The following ABLIM3 variants were observed in gnomAD, a reference collection of about 807,000 sequenced individuals.
The protein encoded by ABLIM3 is actin binding LIM protein family member 3.
Under a neutral mutation model 109.5 loss-of-function variants are expected in ABLIM3, and 61 were observed. That is an observed-to-expected ratio of 0.56 (90% CI 0.45 to 0.69). The LOEUF is 0.69. Ranked by LOEUF, ABLIM3 falls within the 30% of genes least tolerant of loss-of-function variation. ABLIM3 has a pLI of 0.00. For synonymous variants in ABLIM3, 300 were observed against 324.8 expected, an observed-to-expected ratio of 0.92 and a Z score of 0.82; for missense variants, 796 against 889.5, an observed-to-expected ratio of 0.89 and a Z score of 1.34.
chr5:149,166,217 C>T (rs1189567771), intron 2 of ABLIM3, among the ~76,000 whole-genome samples: 4 of 152,214 alleles, frequency 2.6e-5, no homozygotes, highest in South Asian at 4.1e-4. Flanking sequence ...TAGTCACAAT[C>T]TCCCACTCCC....
At chr5:149,224,624 C>T (rs1760993113) in intron 8 of ABLIM3, among the ~76,000 whole-genome samples, 1 of 152,222 alleles carries the variant, frequency 6.6e-6, no homozygotes, top group Non-Finnish European at 1.5e-5. Flanking sequence ...CTCAAGTCTC[C>T]CTTTTACTGC....
At chr5:149,222,824 C>G (rs1287962931) in intron 8 of ABLIM3, among the ~76,000 whole-genome samples, 2 of 151,984 alleles carry the variant, frequency 1.3e-5, no homozygotes, top group Non-Finnish European at 2.9e-5. Context: ...AACGCCAGCC[C>G]TCAGTCATCA....
intron 3 of ABLIM3, among the ~76,000 whole-genome samples, chr5:149,186,346 G>A (rs1158123054): frequency 1.3e-5 from 2 of 152,040 alleles, no homozygotes; most frequent in Admixed American, 6.5e-5. Context: ...GCCGGGAGGT[G>A]GAGGTTGCAG....
At chr5:149,255,900 A>G (rs981984398) in intron 23 of ABLIM3, among the ~76,000 whole-genome samples, 3 of 152,234 alleles carry the variant, frequency 2.0e-5, no homozygotes, top group Non-Finnish European at 4.4e-5. Context: ...CATGACCTGT[A>G]TCTGCTCATT....
At chr5:149,213,709 C>T (rs1052756479) in intron 7 of ABLIM3, among the ~76,000 whole-genome samples, 7 of 152,128 alleles carry the variant, frequency 4.6e-5, no homozygotes, top group African/African-American at 1.7e-4. Context: ...CGAGAGTTAC[C>T]GTTGTTTAGC....
intron 7 of ABLIM3, among the ~76,000 whole-genome samples, chr5:149,214,177 C>A (rs2963488): frequency 2.0e-5 from 3 of 152,098 alleles, no homozygotes; most frequent in Non-Finnish European, 4.4e-5. Context: ...CTAATGAACA[C>A]GTTAGTCAAG....
chr5:149,141,992 G>A lies in ABLIM3; in HGVS notation c.-87-17G>A. ...GAGGATACAGAGCTGGCACTGGACT[G>A]CCTTTTCACCCCCCAGGTGATGAGT... On this transcript the variant is annotated splice_polypyrimidine_tract_variant and intron_variant, in intron 1 of 23. Coordinates refer to ENST00000309868, the MANE Select transcript of ABLIM3 (RefSeq NM_014945.5). 6.5e-7 allele frequency: 1 copy of A among 1,539,814 alleles called. No individual in the cohort carries two copies. Among genetic ancestry groups the A allele is most frequent in the South Asian group, 1.1e-5 (1 of 89,454 alleles).
intron 3 of ABLIM3, among the ~76,000 whole-genome samples, chr5:149,194,754 T>G (rs1017265380): frequency 6.6e-6 from 1 of 152,110 alleles, no homozygotes; most frequent in Non-Finnish European, 1.5e-5. Context: ...TATGGATACA[T>G]CACAGGTGGT....
chr5:149,200,409 C>G lies in ABLIM3; in HGVS notation c.429C>G (p.Ile143Met), dbSNP rs1225403103. The G allele has an allele frequency of 7.4e-6, 12 of 1,614,194 alleles. No individual in the cohort carries two copies. The highest frequency in any genetic ancestry group is 1.7e-5 in the Admixed American group (1 of 60,022). Residue 143 changes from isoleucine (I) to methionine (M), a missense_variant, in exon 5 of 24, where the codon ATC (isoleucine) becomes ATG (methionine). Physicochemically the swap from Ile to Met is conservative, Grantham distance 10. Transcript: ENST00000309868. ...AGTCCATGGCCAGCAGTAAGCCCATCAAGATTCGTGGACCAAGCCGTGAGT... is the reference window on the plus strand; with the variant it reads ...AGTCCATGGCCAGCAGTAAGCCCATGAAGATTCGTGGACCAAGCCGTGAGT... ...CSQSMASSKP[I>M]KIRGPSHCAG...
At position 149,249,836 on chromosome 5, in the gene ABLIM3, C is replaced by T. The variant is rs758715412; in HGVS notation, c.1721C>T (p.Ala574Val). ...LNGSPRSHYL[A>V]DSDPLISKSA... ...GCAGCCCCTCGGTCGCACTACCTGG[C>T]TGACAGTGGTAAGTTCTACCTGCCC... Residue 574 changes from alanine to valine, a missense_variant, in exon 19 of 24, where the codon GCT (alanine) becomes GTT (valine). Ala to Val is a moderately conservative substitution (Grantham distance 64). Transcript: ENST00000309868. 6.2e-7 allele frequency: 1 copy of T among 1,614,218 alleles called. No homozygotes were observed. Among genetic ancestry groups the T allele is most frequent in the South Asian group, 1.1e-5 (1 of 91,088 alleles).
intron 8 of ABLIM3, among the ~76,000 whole-genome samples, chr5:149,225,051 C>T (rs916568381): frequency 3.9e-5 from 6 of 152,136 alleles, no homozygotes; most frequent in African/African-American, 7.2e-5. Flanking sequence ...TCTCTCTGGC[C>T]GAGTTTGGCA....
At chr5:149,230,409 G>A (rs1039044393) in intron 8 of ABLIM3, among the ~76,000 whole-genome samples, 1 of 152,214 alleles carries the variant, frequency 6.6e-6, no homozygotes, top group African/African-American at 2.4e-5. Flanking sequence ...AAGTTTGCAA[G>A]AGGATGTCAT....
rs1407848687 is a variant in ABLIM3 at position 149,259,468 on chromosome 5, T to C, written c.*1064T>C. On this transcript the variant is annotated 3_prime_UTR_variant, in exon 24 of 24. Coordinates refer to ENST00000309868, the MANE Select transcript of ABLIM3 (RefSeq NM_014945.5). ...AAAGGTTCTTGGTCTATGCCTCTGG[T>C]CTGTGGGCTGGCAGGGCAACCATAC... is the stretch of plus-strand genomic sequence containing the variant. The C allele has an allele frequency of 2.0e-6, 3 of 1,535,692 alleles. No individual in the cohort carries two copies. The highest frequency in any genetic ancestry group is 2.6e-6 in the Non-Finnish European group (3 of 1,146,832).
At position 149,247,903 on chromosome 5, in the gene ABLIM3, C is replaced by T; in HGVS notation, c.1673C>T (p.Ala558Val). The T allele has an allele frequency of 6.2e-7, 1 of 1,614,218 alleles. No individual in the cohort carries two copies. Among genetic ancestry groups the T allele is most frequent in the Non-Finnish European group, 8.5e-7 (1 of 1,180,032 alleles). ...AGCAGCCGGGAAGCCCTGCACACAGCTGGCTATGAGATGTCCCTCAATGGC... is the reference window on the plus strand; with the variant it reads ...AGCAGCCGGGAAGCCCTGCACACAGTTGGCTATGAGATGTCCCTCAATGGC... Reference protein sequence around the residue: ...STSSREALHTAGYEMSLNGSP... With the variant: ...STSSREALHTVGYEMSLNGSP... Residue 558 changes from alanine (A) to valine (V), a missense_variant, in exon 18 of 24, where the codon GCT becomes GTT. By Grantham distance (64) the Ala-to-Val change is moderately conservative. Transcript: ENST00000309868.
Position 149,198,427 on chromosome 5 carries a change from G to T in ABLIM3, c.335+25G>T, listed in dbSNP as rs896722980. 4 of 1,583,120 alleles carry T rather than the reference G, an allele frequency of 2.5e-6. No homozygotes were observed. The highest frequency in any genetic ancestry group is 3.4e-6 in the Non-Finnish European group (4 of 1,165,402). On this transcript the variant is annotated intron_variant, in intron 4 of 23. Transcript: ENST00000309868. The surrounding 1 kb of genome is among the most constrained non-coding windows in gnomAD (Gnocchi z 4.2). ...GGTGAGTGGGCGACCAGCAGGGCCT[G>T]GGACCCTCTGCATAAGCCCCCGGGG...
intron 7 of ABLIM3, chr5:149,216,712 G>A (rs1760124667): frequency 6.3e-6 from 3 of 473,240 alleles, no homozygotes; most frequent in Non-Finnish European, 1.1e-5. Context: ...CCTTCCCAGT[G>A]TCAGAATAGA....
chr5:149,248,731 C>T (rs924839123), intron 18 of ABLIM3, among the ~76,000 whole-genome samples: 13 of 149,066 alleles, frequency 8.7e-5, no homozygotes, highest in African/African-American at 1.2e-4. Context: ...TTATAATCAT[C>T]GGAATGGCTC....
Position 149,244,972 on chromosome 5 carries a change from T to C in ABLIM3, c.1443T>C (p.Tyr481=). The change falls in exon 16 of 24, where the codon TAT becomes TAC. Residue 481 remains tyrosine (Y), a synonymous_variant. Transcript: ENST00000309868. ...YSPIYSPDPY[Y]ASESEYWTYH... ...CCATCTACTCGCCAGACCCCTACTATGCTTCGGAGTCTGAGTACTGGACCT... is the reference window on the plus strand; with the variant it reads ...CCATCTACTCGCCAGACCCCTACTACGCTTCGGAGTCTGAGTACTGGACCT... 6.2e-7 allele frequency: 1 copy of C among 1,614,174 alleles called. No individual in the cohort carries two copies. Among genetic ancestry groups the C allele is most frequent in the Middle Eastern group, 1.6e-4 (1 of 6,062 alleles).
intron 3 of ABLIM3, among the ~76,000 whole-genome samples, chr5:149,188,782 G>A (rs1436175564): frequency 1.3e-5 from 2 of 152,164 alleles, no homozygotes; most frequent in Admixed American, 6.5e-5. Context: ...TATGAATTGG[G>A]GGTGGGGACA....
Sources: allele counts gnomAD v4.1 joint callset (sites outside exome capture counted in the v4.1 genomes callset), GRCh38; gene constraint gnomAD v4.1.1; non-coding constraint Gnocchi (gnomAD v3.1); transcripts MANE v1.5; gene names NCBI Gene and HGNC (gene_info 2026-07-23, HGNC 2026-07-21).